CADM2: variants seen among roughly 807,000 people sequenced by gnomAD.
CADM2 encodes cell adhesion molecule 2, also known as immunoglobulin superfamily member 4D.
CADM2 carries 12 observed loss-of-function variants against 49.8 expected under a neutral mutation model. The observed-to-expected ratio is 0.24, with a 90% CI of 0.15 to 0.39. CADM2 has a LOEUF of 0.39. Among genes scored for constraint, CADM2 ranks in the 10% least tolerant of loss-of-function variants. The pLI is 1.00. For missense variants in CADM2, 378 were observed against 492.3 expected, an observed-to-expected ratio of 0.77 and a Z score of 2.20; for synonymous variants, 214 against 175.4, an observed-to-expected ratio of 1.22 and a Z score of -1.74.
chr3:85,707,570 A>G (rs548983731), intron 1 of CADM2, among the ~76,000 whole-genome samples: 6 of 152,216 alleles, frequency 3.9e-5, no homozygotes, highest in African/African-American at 1.4e-4. Context: ...TGAAAAATCT[A>G]TATTCCCAGA....
At chr3:85,382,827 T>C (rs1460833104) in intron 1 of CADM2, among the ~76,000 whole-genome samples, 1 of 152,212 alleles carries the variant, frequency 6.6e-6, no homozygotes, top group Non-Finnish European at 1.5e-5. Flanking sequence ...GTGAATTTAT[T>C]ATACTACCAT....
chr3:85,406,838 T>A (rs1196406123), intron 1 of CADM2, among the ~76,000 whole-genome samples: 3 of 152,140 alleles, frequency 2.0e-5, no homozygotes, highest in Admixed American at 6.6e-5. Context: ...ACCACAGTAT[T>A]TCTATGCCAC....
chr3:85,094,914 T>C (rs1161037831), intron 1 of CADM2, among the ~76,000 whole-genome samples: 1 of 152,146 alleles, frequency 6.6e-6, no homozygotes, highest in Non-Finnish European at 1.5e-5. Flanking sequence ...TAAAATCAGA[T>C]ATTAGCTTCC....
At chr3:85,922,317 C>G (rs566357745) in intron 6 of CADM2, among the ~76,000 whole-genome samples, 99 of 151,352 alleles carry the variant, frequency 6.5e-4, no homozygotes, top group African/African-American at 2.4e-3. Context: ...TGTGATTAAT[C>G]AGTATATTAA....
chr3:85,174,717 A>C (rs753901493), intron 1 of CADM2, among the ~76,000 whole-genome samples: 2 of 152,126 alleles, frequency 1.3e-5, no homozygotes, highest in Admixed American at 6.5e-5. Flanking sequence ...AAATTTTAAC[A>C]TTGGCATAAG....
chr3:85,307,191 A>G (rs1054708526), intron 1 of CADM2, among the ~76,000 whole-genome samples: 1 of 150,602 alleles, frequency 6.6e-6, no homozygotes, highest in Non-Finnish European at 1.5e-5. Context: ...GTTTATACAC[A>G]TATTATATAT....
chr3:85,714,535 T>A (rs948978221), intron 1 of CADM2, among the ~76,000 whole-genome samples: 2 of 152,104 alleles, frequency 1.3e-5, no homozygotes, highest in African/African-American at 4.8e-5. Flanking sequence ...CACACCATTC[T>A]CCTGCCTCAG....
At chr3:85,693,350 G>A (rs1223062218) in intron 1 of CADM2, among the ~76,000 whole-genome samples, 1 of 151,808 alleles carries the variant, frequency 6.6e-6, no homozygotes, top group Non-Finnish European at 1.5e-5. Context: ...GGAGGCCGAG[G>A]CAGGCAGATC....
At chr3:85,277,936 T>C (rs529421571) in intron 1 of CADM2, among the ~76,000 whole-genome samples, 6 of 151,352 alleles carry the variant, frequency 4.0e-5, no homozygotes, top group Admixed American at 1.3e-4. Context: ...GGCTACAATA[T>C]TGATAGCCAT....
At chr3:85,008,596 G>T (rs2033850286) in intron 1 of CADM2, among the ~76,000 whole-genome samples, 1 of 151,770 alleles carries the variant, frequency 6.6e-6, no homozygotes, top group Non-Finnish European at 1.5e-5. Context: ...AGAAGAGACA[G>T]AAGTAGAAAT....
chr3:85,437,100 G>C (rs1469328636), intron 1 of CADM2, among the ~76,000 whole-genome samples: 1 of 152,038 alleles, frequency 6.6e-6, no homozygotes, highest in Admixed American at 6.6e-5. Flanking sequence ...GAATCATATA[G>C]TATGTAGCCT....
intron 1 of CADM2, among the ~76,000 whole-genome samples, chr3:85,181,078 G>A (rs1283764353): frequency 6.6e-6 from 1 of 152,082 alleles, no homozygotes; most frequent in Non-Finnish European, 1.5e-5. Context: ...TTCACTTGAG[G>A]AGCTTAAATG....
chr3:85,970,263 C>T (rs775314669), intron 8 of CADM2, among the ~76,000 whole-genome samples: 1 of 151,336 alleles, frequency 6.6e-6, no homozygotes, highest in Non-Finnish European at 1.5e-5. Context: ...GTGTTTTCAT[C>T]TTTTTGCAAA....
chr3:86,035,134 A>G (rs756456614), intron 8 of CADM2, among the ~76,000 whole-genome samples: 1 of 152,086 alleles, frequency 6.6e-6, no homozygotes. Flanking sequence ...ATCATTTGCA[A>G]CATGGCTTCT....
At chr3:84,981,095 T>C (rs1332803615) in intron 1 of CADM2, among the ~76,000 whole-genome samples, 3 of 151,096 alleles carry the variant, frequency 2.0e-5, no homozygotes, top group African/African-American at 7.3e-5. Context: ...TCATCTAGCA[T>C]TAGGTATATC....
chr3:85,312,003 G>A (rs2044357016), intron 1 of CADM2, among the ~76,000 whole-genome samples: 1 of 152,034 alleles, frequency 6.6e-6, no homozygotes, highest in South Asian at 2.1e-4. Context: ...ATTTGCCAGA[G>A]GATGCTAAGA....
chr3:85,422,869 A>G (rs1576525763), intron 1 of CADM2, among the ~76,000 whole-genome samples: 1 of 151,884 alleles, frequency 6.6e-6, no homozygotes, highest in Non-Finnish European at 1.5e-5. Context: ...GGGTGTTACA[A>G]TGCTCTTTTA....
At chr3:85,235,810 T>G (rs1250966381) in intron 1 of CADM2, among the ~76,000 whole-genome samples, 1 of 152,160 alleles carries the variant, frequency 6.6e-6, no homozygotes, top group Non-Finnish European at 1.5e-5. Context: ...CTTTATGTTT[T>G]CAGTTAAACT....
intron 3 of CADM2, among the ~76,000 whole-genome samples, chr3:85,875,883 G>T (rs1711759310): frequency 6.6e-6 from 1 of 152,134 alleles, no homozygotes; most frequent in African/African-American, 2.4e-5. Flanking sequence ...TTCAATACTG[G>T]ATCAAAGGCC....
Sources: gnomAD v4.1 joint callset for allele counts (sites outside exome capture counted in the v4.1 genomes callset) on GRCh38, gnomAD v4.1.1 for gene constraint, MANE v1.5 for transcripts, NCBI Gene and HGNC (gene_info 2026-07-23, HGNC 2026-07-21) for gene names.